Variants in DCDC1 observed in about 807,000 individuals in gnomAD.
DCDC1 encodes doublecortin domain-containing protein 1.
A neutral mutation model predicts 178.3 loss-of-function variants in DCDC1; 200 were observed. The observed-to-expected ratio is 1.12, with a 90% confidence interval of 1.00 to 1.26. DCDC1 has a LOEUF of 1.26. Ranked by LOEUF, DCDC1 falls within the 50% of genes most tolerant of loss-of-function variation. The probability of loss-of-function intolerance (pLI) is 0.00; values close to 1 mark genes in which losing one functional copy is unlikely to be tolerated. For synonymous variants in DCDC1, 690 were observed against 604.8 expected, an observed-to-expected ratio of 1.14 and a Z score of -2.07; for missense variants, 1,983 against 1,749.2, an observed-to-expected ratio of 1.13 and a Z score of -2.38.
At chr11:30,947,722 C>T (rs1280890019) in intron 21 of DCDC1, among the ~76,000 whole-genome samples, 1 of 152,030 alleles carries the variant, frequency 6.6e-6, no homozygotes, top group African/African-American at 2.4e-5. Flanking sequence ...CATGGGATCA[C>T]ATCAAGCTAA....
At chr11:31,203,031 G>C (rs1971469417) in intron 9 of DCDC1, among the ~76,000 whole-genome samples, 1 of 152,118 alleles carries the variant, frequency 6.6e-6, no homozygotes, top group Admixed American at 6.5e-5. Context: ...TTAAATAACT[G>C]CTGGACAGTG....
chr11:31,053,571 A>T (rs1955402511), intron 20 of DCDC1, among the ~76,000 whole-genome samples: 1 of 152,208 alleles, frequency 6.6e-6, no homozygotes, highest in Non-Finnish European at 1.5e-5. Context: ...ATAGATGCTA[A>T]AATCCTTAAC....
chr11:31,039,177 G>A (rs369842845), intron 20 of DCDC1, among the ~76,000 whole-genome samples: 13 of 152,116 alleles, frequency 8.5e-5, no homozygotes, highest in South Asian at 8.3e-4. Flanking sequence ...TATGCTGTAG[G>A]GTTACAAGCT....
chr11:31,064,706 C>A, intron 19 of DCDC1, 80 bp from the exon 20 acceptor site: 2 of 712,416 alleles, frequency 2.8e-6, no homozygotes, highest in South Asian at 1.5e-5. Context: ...AAAAATATAA[C>A]ACTGCAGTTT....
At chr11:31,153,761 C>T (rs916083023) in intron 9 of DCDC1, among the ~76,000 whole-genome samples, 6 of 131,488 alleles carry the variant, frequency 4.6e-5, no homozygotes, top group Admixed American at 2.4e-4. Flanking sequence ...CCAGCCTGGG[C>T]GATAGAGCCA....
At chr11:31,239,856 T>C (rs2136879146) in intron 9 of DCDC1, among the ~76,000 whole-genome samples, 1 of 151,974 alleles carries the variant, frequency 6.6e-6, no homozygotes, top group South Asian at 2.1e-4. Flanking sequence ...CTGAAAGTAT[T>C]TTTTTCTTAC....
chr11:31,079,775 A>G (rs1449723248), intron 17 of DCDC1, among the ~76,000 whole-genome samples: 1 of 152,154 alleles, frequency 6.6e-6, no homozygotes, highest in Non-Finnish European at 1.5e-5. Flanking sequence ...TAAAGGAGAA[A>G]TGATTTGATG....
intron 9 of DCDC1, among the ~76,000 whole-genome samples, chr11:31,223,413 C>T (rs1458071711): frequency 1.3e-5 from 2 of 152,078 alleles, no homozygotes; most frequent in Admixed American, 1.3e-4. Flanking sequence ...TTAACTAATA[C>T]AATAGCCATA....
At position 31,134,618 on chromosome 11, in the gene DCDC1, T is replaced by C. The variant is rs533394379; in HGVS notation, c.1314+3074A>G. Among the ~76,000 whole-genome samples, 109 of 152,366 alleles carry C rather than the reference T, an allele frequency of 7.2e-4. 1 individual carries two copies. Among genetic ancestry groups the C allele is most frequent in the Non-Finnish European group, 1.2e-3 (84 of 68,032 alleles). On this transcript the variant is annotated intron_variant, in intron 10 of 38. Transcript: ENST00000684477. Reference sequence around the variant, plus strand: ...TTCTAATAACATTCTACACATTTAATGTCATCTTGGTACCTACATTATACA... The same window carrying C: ...TTCTAATAACATTCTACACATTTAACGTCATCTTGGTACCTACATTATACA...
intron 9 of DCDC1, among the ~76,000 whole-genome samples, chr11:31,198,610 A>G (rs1970957037): frequency 6.6e-6 from 1 of 152,034 alleles, no homozygotes; most frequent in African/African-American, 2.4e-5. Flanking sequence ...CTATTTCTAC[A>G]GTCATGCCCT....
At chr11:31,303,346 T>G (rs574081786) in intron 6 of DCDC1, among the ~76,000 whole-genome samples, 1 of 152,322 alleles carries the variant, frequency 6.6e-6, no homozygotes, top group Admixed American at 6.5e-5. Flanking sequence ...TCATTAACAC[T>G]TAATTCTGCC....
intron 20 of DCDC1, among the ~76,000 whole-genome samples, chr11:30,961,372 T>C (rs1949086992): frequency 6.6e-6 from 1 of 152,070 alleles, no homozygotes; most frequent in South Asian, 2.1e-4. Flanking sequence ...AATTAGACAA[T>C]ATATCATTTG....
chr11:30,899,483 C>A, intron 34 of DCDC1, 58 bp downstream of exon 34: 1 of 1,126,120 alleles, frequency 8.9e-7, no homozygotes, highest in Non-Finnish European at 1.2e-6. Context: ...TAACCATTAG[C>A]AATTTGGGGC....
intron 3 of DCDC1, among the ~76,000 whole-genome samples, chr11:31,326,656 C>T (rs1949665367): frequency 1.3e-5 from 2 of 152,004 alleles, no homozygotes; most frequent in Admixed American, 6.6e-5. Flanking sequence ...TGCTAATATG[C>T]ACTTATAGCT....
intron 3 of DCDC1, among the ~76,000 whole-genome samples, chr11:31,324,945 C>T (rs2137822481): frequency 6.6e-6 from 1 of 152,172 alleles, no homozygotes; most frequent in Non-Finnish European, 1.5e-5. Context: ...GATTTCAGTT[C>T]TCATTTATTT....
In DCDC1 at chr11:31,060,510, TG is replaced by T. The variant is rs907266370; in HGVS notation, c.2591+3958del. 1.7e-4 allele frequency among the ~76,000 whole-genome samples: 26 copies of T among 152,114 alleles called. 1 individual carries two copies. Among genetic ancestry groups the T allele is most frequent in the Non-Finnish European group, 5.9e-5 (4 of 67,992 alleles). On this transcript the variant is annotated intron_variant, in intron 20 of 38. Transcript: ENST00000684477. ...AAGATAGACTTTAAAATTTAAATAC[TG>T]CAATATTCTGAAGTTTATATTTTTA...
intron 20 of DCDC1, among the ~76,000 whole-genome samples, chr11:31,010,329 C>T (rs1952097709): frequency 6.6e-6 from 1 of 152,214 alleles, no homozygotes; most frequent in South Asian, 2.1e-4. Context: ...TCCAAGCTCC[C>T]TCAGGTTGTT....
chr11:31,010,739 T>C (rs996029439), intron 20 of DCDC1, among the ~76,000 whole-genome samples: 1 of 152,170 alleles, frequency 6.6e-6, no homozygotes, highest in Non-Finnish European at 1.5e-5. Flanking sequence ...TAATGAGAAA[T>C]ACTGTAAATG....
chr11:31,126,532 T>C (rs1961644072), intron 11 of DCDC1, among the ~76,000 whole-genome samples: 1 of 152,208 alleles, frequency 6.6e-6, no homozygotes, highest in South Asian at 2.1e-4. Flanking sequence ...ATAATGTTTC[T>C]AATGTTACTT....
Sources: gnomAD v4.1 joint callset for allele counts (sites outside exome capture counted in the v4.1 genomes callset) on GRCh38, gnomAD v4.1.1 for gene constraint, MANE v1.5 for transcripts, NCBI Gene and HGNC (gene_info 2026-07-23, HGNC 2026-07-21) for gene names.